Variants in LY75 observed in about 807,000 individuals in gnomAD.
LY75 encodes C-type lectin domain family 13 member B.
In LY75, 185 loss-of-function variants were observed where a neutral mutation model predicts 231.7. The ratio of observed to expected loss-of-function variants is 0.80; its 90% CI spans 0.71 to 0.90. The LOEUF (loss-of-function observed/expected upper bound fraction) is 0.90, where lower values mean the gene tolerates loss of function less well. LY75 is among the 40% of genes least tolerant of loss of function. The probability of loss-of-function intolerance (pLI) is 0.00; values close to 1 mark genes in which losing one functional copy is unlikely to be tolerated. For missense variants in LY75, 1,947 were observed against 2,050.2 expected (o/e 0.95, Z 0.97); for synonymous variants, 668 against 689.0 (o/e 0.97, Z 0.48).
Position 159,878,614 on chromosome 2 carries a change from A to G in LY75, c.1604+19T>C. 6.2e-7 allele frequency: 1 copy of G among 1,613,956 alleles called. No homozygotes were observed. The highest frequency in any genetic ancestry group is 8.5e-7 in the Non-Finnish European group (1 of 1,179,930). Reference sequence around the variant, plus strand: ...TCAGAGTTGAAAGTTTATGAGTACAAGTTTACTGATGGTCACACCTGCTAG... The same window carrying G: ...TCAGAGTTGAAAGTTTATGAGTACAGGTTTACTGATGGTCACACCTGCTAG... On this transcript the variant is annotated intron_variant, in intron 10 of 34. Transcript: ENST00000263636.
intron 13 of LY75, 67 bp downstream of exon 13, chr2:159,872,382 AAC>A: frequency 6.4e-7 from 1 of 1,562,686 alleles, no homozygotes; most frequent in South Asian, 1.2e-5. Context: ...TGAGGGTAAG[AAC>A]ATGTCAATTT....
At chr2:159,838,417 T>C (rs544905925) in intron 25 of LY75, among the ~76,000 whole-genome samples, 63 of 152,254 alleles carry the variant, frequency 4.1e-4, no homozygotes, top group African/African-American at 1.5e-3. Flanking sequence ...TACAAAATAG[T>C]CTGATTCCAA....
rs542153233 is a variant in LY75, at chr2:159,807,513, T to C, written c.4823-373A>G. On this transcript the variant is annotated intron_variant, in intron 33 of 34. Coordinates refer to ENST00000263636, the MANE Select transcript of LY75 (RefSeq NM_002349.4). ...GACCCATATCCTTCCCCTACTCTAA[T>C]TGTAAAAAGTCATATCATTAAAGAT... 4.0e-4 allele frequency among the ~76,000 whole-genome samples: 61 copies of C among 152,312 alleles called. No homozygotes were observed. The South Asian group carries it at 0.011, about 28-fold the overall frequency.
In LY75 at chr2:159,904,563, T is replaced by C. The variant is rs758058529; in HGVS notation, c.94+26A>G. On this transcript the variant is annotated intron_variant, in intron 1 of 34. Coordinates refer to ENST00000263636, the MANE Select transcript of LY75 (RefSeq NM_002349.4). ...TGTGGCGTCGAGGCACCCAGCGGAC[T>C]GCGGGGCTGGCGTGCCCGCGGTTAC... 23 of 1,503,604 alleles carry C rather than the reference T, an allele frequency of 1.5e-5. No individual in the cohort carries two copies. In the Admixed American group the frequency reaches 3.9e-4, roughly 25 times the overall value. The allele number at this position is 1,503,604 out of a possible 1,614,324, so 93.1% of individuals were successfully genotyped here.
At position 159,870,871 on chromosome 2, in the gene LY75, AC is replaced by A. The variant is rs368586757; in HGVS notation, c.2117+1579del. 3.4e-3 allele frequency among the ~76,000 whole-genome samples: 517 copies of A among 152,002 alleles called. 4 individuals are homozygous for A. The highest frequency in any genetic ancestry group is 0.012 in the African/African-American group (508 of 41,460). On this transcript the variant is annotated intron_variant, in intron 13 of 34. Coordinates refer to ENST00000263636, the MANE Select transcript of LY75 (RefSeq NM_002349.4). ...ACTTCCTAGAGATATAATAGCCATT[AC>A]CCTTTTTGCAGTCTAGTTTTAAATG...
At chr2:159,873,260 T>C (rs1685073009) in intron 12 of LY75, among the ~76,000 whole-genome samples, 1 of 152,306 alleles carries the variant, frequency 6.6e-6, no homozygotes, top group Non-Finnish European at 1.5e-5. Flanking sequence ...CAGTTCCTTG[T>C]AATATAATTA....
chr2:159,809,926 C>T (rs368998401), intron 32 of LY75, among the ~76,000 whole-genome samples: 2 of 152,202 alleles, frequency 1.3e-5, no homozygotes, highest in Non-Finnish European at 2.9e-5. Context: ...GATCCTCCCA[C>T]CTCGGCCTCC....
chr2:159,833,996 C>T (rs532593863), intron 27 of LY75, 48 bp downstream of exon 27: 59 of 1,571,578 alleles, frequency 3.8e-5, no homozygotes, highest in Non-Finnish European at 5.0e-5. Flanking sequence ...TACCTAGCCT[C>T]GGGTATGTCC....
At chr2:159,904,560 G>T in intron 1 of LY75, 29 bp downstream of exon 1, 1 of 1,503,036 alleles carries the variant, frequency 6.7e-7, no homozygotes, top group East Asian at 2.9e-5. Context: ...GCACCCAGCG[G>T]ACTGCGGGGC....
At position 159,805,089 on chromosome 2, in the gene LY75, T is replaced by C. The variant is rs1395086794; in HGVS notation, c.5124A>G (p.Gln1708=). The part of the protein sequence containing the change: ...LAGFSSVRYA[Q]GVNEDEIMLP... ...GCATAATCTCATCTTCATTCACTCC[T>C]TGTGCATATCGAACTGATGAGAAAC... The change falls in exon 35 of 35, where the codon CAA becomes CAG. Residue 1708 remains glutamine (Q), a synonymous_variant. Coordinates refer to ENST00000263636, the MANE Select transcript of LY75 (RefSeq NM_002349.4). The C allele has an allele frequency of 6.2e-7, 1 of 1,614,168 alleles. No individual in the cohort carries two copies. Among genetic ancestry groups the C allele is most frequent in the Admixed American group, 1.7e-5 (1 of 60,030 alleles).
intron 1 of LY75, chr2:159,902,477 G>A (rs777012203): frequency 6.6e-6 from 1 of 152,130 alleles, no homozygotes; most frequent in Non-Finnish European, 1.5e-5. Context: ...TTGGTCCCTA[G>A]ACCAAAGAGC....
intron 23 of LY75, among the ~76,000 whole-genome samples, chr2:159,844,806 T>A (rs1173279905): frequency 4.1e-4 from 43 of 106,064 alleles, no homozygotes; most frequent in African/African-American, 9.0e-4. Context: ...TTTTTTTTTT[T>A]AAATTTCAGC....
chr2:159,890,489 A>T, intron 3 of LY75, 112 bp from the exon 4 acceptor site: 1 of 1,423,578 alleles, frequency 7.0e-7, no homozygotes, highest in Non-Finnish European at 9.5e-7. Flanking sequence ...ATATGCCCAA[A>T]GGGAGACTGC....
intron 3 of LY75, 80 bp downstream of exon 3, chr2:159,893,834 C>G (rs1164038240): frequency 6.8e-7 from 1 of 1,476,352 alleles, no homozygotes; most frequent in Non-Finnish European, 9.0e-7. Context: ...ACTTTTGAGT[C>G]ACTTTGAACT....
chr2:159,821,297 C>T (rs72967411), intron 28 of LY75, among the ~76,000 whole-genome samples: 36,946 of 151,346 alleles, frequency 0.24, 5,970 homozygotes, highest in Non-Finnish European at 0.37. Context: ...TAAATATAAG[C>T]GCTACAGCTA....
chr2:159,850,454 A>G lies in LY75; in HGVS notation c.2897T>C (p.Ile966Thr), dbSNP rs1684349618. ...AGAAAATGTGAGAGACACGGGTTTGATCTTTAGAAAACACTGCAAACAAAG... is the reference window on the plus strand; with the variant it reads ...AGAAAATGTGAGAGACACGGGTTTGGTCTTTAGAAAACACTGCAAACAAAG... ...IPFQNKCFLKIKPVSLTFSQA... is the reference protein window; with the variant it reads ...IPFQNKCFLKTKPVSLTFSQA... Residue 966 changes from isoleucine (I) to threonine (T), a missense_variant, in exon 22 of 35, where the codon ATC becomes ACC. Coordinates refer to ENST00000263636, the MANE Select transcript of LY75 (RefSeq NM_002349.4). 1 of 1,613,436 alleles carries G rather than the reference A, an allele frequency of 6.2e-7. No individual in the cohort carries two copies. Among genetic ancestry groups the G allele is most frequent in the Non-Finnish European group, 8.5e-7 (1 of 1,179,578 alleles).
chr2:159,816,867 A>G lies in LY75; in HGVS notation c.4319T>C (p.Phe1440Ser). The G allele has an allele frequency of 1.2e-6, 2 of 1,614,216 alleles. No individual in the cohort carries two copies. Among genetic ancestry groups the G allele is most frequent in the Non-Finnish European group, 1.7e-6 (2 of 1,180,034 alleles). The change falls in exon 30 of 35, where the codon TTT (phenylalanine) becomes TCT (serine). Residue 1440 changes from phenylalanine (F) to serine (S), a missense_variant. Physicochemically the swap from Phe to Ser is radical, Grantham distance 155 (BLOSUM62 -2). Coordinates refer to ENST00000263636, the MANE Select transcript of LY75 (RefSeq NM_002349.4). Reference sequence around the variant, plus strand: ...ATCACGTTTTACAATATCTTCCAGAAAGAGCTGGCCATTTTGGTTGTGAAC... The same window carrying G: ...ATCACGTTTTACAATATCTTCCAGAGAGAGCTGGCCATTTTGGTTGTGAAC... ...ASVHNQNGQL[F>S]LEDIVKRDGF...
intron 24 of LY75, 92 bp from the exon 25 acceptor site, chr2:159,841,047 T>C: frequency 4.6e-6 from 7 of 1,530,064 alleles, no homozygotes; most frequent in Non-Finnish European, 5.2e-6. Context: ...CCCATACTAA[T>C]CTAATTTAGA....
chr2:159,809,835 G>A (rs1054986097), intron 32 of LY75, among the ~76,000 whole-genome samples: 7 of 149,322 alleles, frequency 4.7e-5, no homozygotes, highest in South Asian at 2.1e-4. Flanking sequence ...ACGCCACCAC[G>A]CCCAGCTAAG....
Sources: allele counts gnomAD v4.1 joint callset (sites outside exome capture counted in the v4.1 genomes callset), GRCh38; gene constraint gnomAD v4.1.1; transcripts MANE v1.5; gene names NCBI Gene and HGNC (gene_info 2026-07-23, HGNC 2026-07-21).